MRM1: variants seen among roughly 807,000 people sequenced by gnomAD.
MRM1 encodes rRNA methyltransferase 1, mitochondrial.
Under a neutral mutation model 25.0 loss-of-function variants are expected in MRM1, and 24 were observed. That is an observed-to-expected ratio of 0.96 (90% CI 0.69 to 1.35). The LOEUF is 1.35. Ranked by LOEUF, MRM1 falls within the 40% of genes most tolerant of loss-of-function variation. The probability of loss-of-function intolerance (pLI) is 0.00; values close to 1 mark genes in which losing one functional copy is unlikely to be tolerated. For synonymous variants in MRM1, 188 were observed against 199.2 expected (o/e 0.94, Z 0.47); for missense variants, 431 against 464.1 (o/e 0.93, Z 0.65).
At chr17:36,609,426 C>T (rs546283471), downstream of MRM1, among the ~76,000 whole-genome samples, 4 of 152,380 alleles carry the variant, frequency 2.6e-5, no homozygotes, top group African/African-American at 4.8e-5. Context: ...AGAATCACCA[C>T]TAGGGCAGGT....
At chr17:36,607,564 G>A (rs1229028677) in intron 2 of MRM1, 106 bp from the exon 3 acceptor site, 22 of 1,359,364 alleles carry the variant, frequency 1.6e-5, no homozygotes, top group African/African-American at 1.0e-4. Flanking sequence ...TTGAGGCTGC[G>A]GTGAGCTGTG....
chr17:36,629,312 C>A, the MRM1 span, among the ~76,000 whole-genome samples: 1 of 152,182 alleles, frequency 6.6e-6, no homozygotes, highest in Non-Finnish European at 1.5e-5. Flanking sequence ...GTCATCTGGA[C>A]ACTATGTCAG....
chr17:36,603,045 T>G (rs572019355), intron 2 of MRM1: 16 of 985,284 alleles, frequency 1.6e-5, no homozygotes, highest in Non-Finnish European at 1.8e-5. Context: ...CTTTATGCCA[T>G]TAGTATCTAG....
rs759099620 is a variant in MRM1 at position 36,602,670 on chromosome 17, G to A, written c.636+24G>A. 6.2e-7 allele frequency: 1 copy of A among 1,612,334 alleles called. No individual in the cohort carries two copies. The highest frequency in any genetic ancestry group is 8.5e-7 in the Non-Finnish European group (1 of 1,178,338). The stretch of plus-strand genomic sequence containing the variant: ...AGGTAATGAGGGGCAAGAGGGGAAG[G>A]AACAGATGTGAGCCCAGCTCAGCCT... On this transcript the variant is annotated intron_variant, in intron 2 of 4. Coordinates refer to ENST00000614766, the MANE Select transcript of MRM1 (RefSeq NM_024864.5). The surrounding 1 kb of genome is among the most constrained non-coding windows in gnomAD (Gnocchi z 4.1).
chr17:36,625,740 G>A, the MRM1 span, among the ~76,000 whole-genome samples: 1 of 152,028 alleles, frequency 6.6e-6, no homozygotes, highest in Non-Finnish European at 1.5e-5. Context: ...GGGATTACAG[G>A]TGTGAGCCAC....
Position 36,601,653 on chromosome 17 carries a change from G to A in MRM1, c.-158G>A, listed in dbSNP as rs2074867308. 4.4e-5 allele frequency: 33 copies of A among 753,018 alleles called. No homozygotes were observed. The highest frequency in any genetic ancestry group is 6.2e-5 in the Non-Finnish European group (31 of 496,736). The allele number at this position is 753,018 out of a possible 1,614,324, so 46.6% of individuals were successfully genotyped here. ...TCGTAGCTCGGTAGTCCAGTTGTGGGTAATCGGGGCTGTTTGTTCCTGTCC... is the reference window on the plus strand; with the variant it reads ...TCGTAGCTCGGTAGTCCAGTTGTGGATAATCGGGGCTGTTTGTTCCTGTCC... On this transcript the variant is annotated 5_prime_UTR_variant, in exon 1 of 5. Transcript: ENST00000614766.
chr17:36,613,647 A>G (rs902493344), downstream of MRM1, among the ~76,000 whole-genome samples: 33 of 152,328 alleles, frequency 2.2e-4, no homozygotes, highest in Admixed American at 2.1e-3. Flanking sequence ...GAAAGCAGAC[A>G]GGGAGGCTTG....
downstream of MRM1, among the ~76,000 whole-genome samples, chr17:36,610,876 C>T (rs1028510353): frequency 2.0e-5 from 3 of 152,162 alleles, no homozygotes; most frequent in Non-Finnish European, 4.4e-5. Flanking sequence ...TGCAGTGGCA[C>T]AATCCCAGCT....
chr17:36,618,193 G>C, the MRM1 span, among the ~76,000 whole-genome samples: 6 of 152,092 alleles, frequency 3.9e-5, no homozygotes, highest in African/African-American at 9.7e-5. Context: ...TCCTTAAGGG[G>C]GCAGACACCA....
At chr17:36,624,526 C>A in the MRM1 span, among the ~76,000 whole-genome samples, 1 of 152,168 alleles carries the variant, frequency 6.6e-6, no homozygotes, top group Admixed American at 6.5e-5. This position sits in a 1 kb window ranked among gnomAD's most constrained non-coding sequence, Gnocchi z 4.0. Flanking sequence ...TCAGTACAAC[C>A]GGGTCTCTCA....
At chr17:36,603,281 CAT>C (rs2074898350) in intron 2 of MRM1, 3 of 945,920 alleles carry the variant, frequency 3.2e-6, no homozygotes, top group South Asian at 9.8e-5. Flanking sequence ...GTGTGAGAAA[CAT>C]AGGTAGTTTT....
chr17:36,623,002 C>A, the MRM1 span, among the ~76,000 whole-genome samples: 1 of 152,218 alleles, frequency 6.6e-6, no homozygotes, highest in Non-Finnish European at 1.5e-5. Flanking sequence ...GACACTGCCC[C>A]ACGCCCCAGG....
the MRM1 span, among the ~76,000 whole-genome samples, chr17:36,633,784 C>T: frequency 1.0e-3 from 155 of 152,174 alleles, no homozygotes; most frequent in African/African-American, 3.4e-3. Context: ...GAACATGGGC[C>T]GAAGGAGGAG....
chr17:36,628,845 G>A, the MRM1 span, among the ~76,000 whole-genome samples: 1 of 152,136 alleles, frequency 6.6e-6, no homozygotes, highest in Non-Finnish European at 1.5e-5. Flanking sequence ...GTAGAGCCAG[G>A]ATTCAAACCC....
chr17:36,621,058 G>T, the MRM1 span, among the ~76,000 whole-genome samples: 2 of 152,124 alleles, frequency 1.3e-5, no homozygotes, highest in African/African-American at 4.8e-5. Context: ...GGGAGCAAGG[G>T]GTTGTCACCT....
chr17:36,622,853 A>G, the MRM1 span, among the ~76,000 whole-genome samples: 2 of 152,184 alleles, frequency 1.3e-5, no homozygotes, highest in African/African-American at 2.4e-5. Context: ...AGGGACAAAA[A>G]AAAGTCACAG....
chr17:36,615,249 C>T, the MRM1 span, among the ~76,000 whole-genome samples: 1 of 152,232 alleles, frequency 6.6e-6, no homozygotes, highest in Admixed American at 6.5e-5. Context: ...CCTGCCCTCT[C>T]TGCAGTCTGG....
rs758641956 is a variant in MRM1 at position 36,602,602 on chromosome 17, G to A, written c.592G>A (p.Val198Met). The A allele has an allele frequency of 3.7e-6, 6 of 1,614,216 alleles. No homozygotes were observed. The East Asian group carries it at 6.7e-5, about 18-fold the overall frequency. Residue 198 changes from valine to methionine, a missense_variant, in exon 2 of 5, where the codon GTG becomes ATG. Physicochemically the swap from Val to Met is conservative, Grantham distance 21. Transcript: ENST00000614766. The surrounding 1 kb of genome is among the most constrained non-coding windows in gnomAD (Gnocchi z 4.1). Reference protein sequence around the residue: ...VSKSSAGAMEVMDVFSTDDLT... With the variant: ...VSKSSAGAMEMMDVFSTDDLT... ...CAAGTCCAGCGCGGGGGCTATGGAG[G>A]TGATGGACGTGTTCTCCACTGATGA...
At chr17:36,620,115 G>C in the MRM1 span, among the ~76,000 whole-genome samples, 2 of 152,158 alleles carry the variant, frequency 1.3e-5, no homozygotes, top group Admixed American at 6.5e-5. Context: ...TCAGTTATAA[G>C]ATTTGCTAGT....
Sources: gnomAD v4.1 joint callset for allele counts (sites outside exome capture counted in the v4.1 genomes callset) on GRCh38, gnomAD v4.1.1 for gene constraint, Gnocchi (gnomAD v3.1) non-coding constraint, MANE v1.5 for transcripts, NCBI Gene and HGNC (gene_info 2026-07-23, HGNC 2026-07-21) for gene names.